C1GALT1: variants seen among roughly 807,000 people sequenced by gnomAD.
C1GALT1 encodes glycoprotein-N-acetylgalactosamine 3-beta-galactosyltransferase 1.
Under a neutral mutation model 31.0 loss-of-function variants are expected in C1GALT1, and 11 were observed. That is an observed-to-expected ratio of 0.36 (90% confidence interval 0.22 to 0.59). The LOEUF is 0.59. Ranked by LOEUF, C1GALT1 falls within the 20% of genes least tolerant of loss-of-function variation. The pLI is 0.79. For synonymous variants in C1GALT1, 175 were observed against 143.6 expected (o/e 1.22, Z -1.56); for missense variants, 424 against 425.2 (o/e 1.00, Z 0.03).
chr7:7,236,157 A>G (rs966667644), intron 2 of C1GALT1, among the ~76,000 whole-genome samples: 2 of 152,128 alleles, frequency 1.3e-5, no homozygotes, highest in African/African-American at 4.8e-5. Flanking sequence ...GTATTTAGCA[A>G]TTATTGGTTT....
intron 1 of C1GALT1, among the ~76,000 whole-genome samples, chr7:7,209,081 A>G (rs1025331596): frequency 2.0e-5 from 3 of 152,194 alleles, no homozygotes; most frequent in Non-Finnish European, 4.4e-5. Context: ...GATTCTTCGT[A>G]TCTCACAACA....
At chr7:7,199,661 T>C (rs952561759) in intron 1 of C1GALT1, among the ~76,000 whole-genome samples, 3 of 152,222 alleles carry the variant, frequency 2.0e-5, no homozygotes, top group Non-Finnish European at 2.9e-5. Flanking sequence ...CCCATTATTA[T>C]TGTGTGGGAG....
intron 1 of C1GALT1, chr7:7,183,658 C>A (rs1002544430): frequency 4.3e-6 from 4 of 937,438 alleles, no homozygotes; most frequent in Non-Finnish European, 5.1e-6. Context: ...TTTCCTGGTC[C>A]TTACCGTCTC....
chr7:7,160,440 T>TA (rs1489194441), intron 2 of C1GALT1, among the ~76,000 whole-genome samples: 1 of 152,132 alleles, frequency 6.6e-6, no homozygotes, highest in Non-Finnish European at 1.5e-5. Flanking sequence ...CTAATACATA[T>TA]ATTAAGCAGT....
At chr7:7,167,115 G>A (rs1473242759) in intron 2 of C1GALT1, among the ~76,000 whole-genome samples, 1 of 152,164 alleles carries the variant, frequency 6.6e-6, no homozygotes, top group Non-Finnish European at 1.5e-5. Flanking sequence ...TCTGGGCCAG[G>A]GAGGAAGACC....
In C1GALT1 at chr7:7,159,360, C is replaced by T. The variant is rs1006119014; in HGVS notation, c.-18+1934C>T. On this transcript the variant is annotated intron_variant, in intron 2 of 3. Coordinates refer to the C1GALT1 transcript ENST00000429911. Reference sequence around the variant, plus strand: ...AATAAAAAGGAAGAGATTGGAAAGACGCGGGACAAATACCAAGAGCAGTAA... The same window carrying T: ...AATAAAAAGGAAGAGATTGGAAAGATGCGGGACAAATACCAAGAGCAGTAA... 2.6e-5 allele frequency among the ~76,000 whole-genome samples: 4 copies of T among 150,986 alleles called. No homozygotes were observed. The East Asian group carries it at 5.8e-4, about 22-fold the overall frequency.
At position 7,171,061 on chromosome 7, in the gene C1GALT1, C is replaced by T. The variant is rs538894030; in HGVS notation, c.-18+13635C>T. ...CTATCCTGAAGAATCTTCCATGTGC[C>T]CTTGAGAAAAATATGTATTCTGCTG... is the stretch of plus-strand genomic sequence containing the variant. On this transcript the variant is annotated intron_variant, in intron 2 of 3. Coordinates refer to the C1GALT1 transcript ENST00000429911. 1.5e-3 allele frequency among the ~76,000 whole-genome samples: 234 copies of T among 151,894 alleles called. 2 individuals carry two copies. The highest frequency in any genetic ancestry group is 0.01 in the Middle Eastern group (3 of 294).
At chr7:7,193,053 T>C (rs1781142055) in intron 1 of C1GALT1, among the ~76,000 whole-genome samples, 1 of 152,196 alleles carries the variant, frequency 6.6e-6, no homozygotes, top group Non-Finnish European at 1.5e-5. Context: ...ATTCTGGATA[T>C]TAGACCTTTG....
intron 2 of C1GALT1, among the ~76,000 whole-genome samples, chr7:7,171,218 A>C (rs1199844959): frequency 6.6e-6 from 1 of 152,172 alleles, no homozygotes; most frequent in Non-Finnish European, 1.5e-5. Context: ...TCCAACTATT[A>C]TTGTACAACT....
At chr7:7,201,806 C>A (rs1028831136) in intron 1 of C1GALT1, among the ~76,000 whole-genome samples, 1 of 152,194 alleles carries the variant, frequency 6.6e-6, no homozygotes, top group Non-Finnish European at 1.5e-5. Context: ...CCCTACCTGC[C>A]GTGGTTTCTT....
intron 1 of C1GALT1, among the ~76,000 whole-genome samples, chr7:7,226,250 TAGA>T (rs1312547351): frequency 2.6e-5 from 4 of 152,130 alleles, no homozygotes; most frequent in African/African-American, 9.7e-5. Context: ...TTAATATGGT[TAGA>T]AGAGGGAATA....
chr7:7,210,327 T>C (rs1378678073), intron 1 of C1GALT1: 1 of 152,484 alleles, frequency 6.6e-6, no homozygotes, highest in East Asian at 1.9e-4. Context: ...TAGCTCATGT[T>C]GTATGTCCAG....
intron 3 of C1GALT1, 79 bp downstream of exon 3, chr7:7,239,001 T>C: frequency 8.5e-7 from 1 of 1,171,920 alleles, no homozygotes; most frequent in Non-Finnish European, 1.2e-6. Flanking sequence ...AATATGTGTA[T>C]GTTTCTTTAG....
upstream of C1GALT1, among the ~76,000 whole-genome samples, chr7:7,182,288 C>T (rs1426938074): frequency 6.6e-6 from 1 of 152,182 alleles, no homozygotes; most frequent in African/African-American, 2.4e-5. Flanking sequence ...TGCTTTCGTC[C>T]CGCTCAAGGT....
At chr7:7,214,245 G>A (rs1419277177) in intron 1 of C1GALT1, among the ~76,000 whole-genome samples, 1 of 151,964 alleles carries the variant, frequency 6.6e-6, no homozygotes, top group Non-Finnish European at 1.5e-5. Flanking sequence ...ATTTCATGAG[G>A]AAAAAAAGGT....
At chr7:7,208,161 G>A (rs111621523) in intron 1 of C1GALT1, among the ~76,000 whole-genome samples, 6,248 of 152,086 alleles carry the variant, frequency 0.041, 293 homozygotes, top group African/African-American at 0.12. Flanking sequence ...GTTGACTCTC[G>A]TGGTATTGCA....
intron 1 of C1GALT1, among the ~76,000 whole-genome samples, chr7:7,224,950 T>G (rs987694079): frequency 1.4e-4 from 22 of 152,134 alleles, no homozygotes; most frequent in African/African-American, 4.3e-4. Context: ...AGTTTTTCAG[T>G]CCTCACCCTC....
intron 1 of C1GALT1, among the ~76,000 whole-genome samples, chr7:7,186,754 C>G (rs1015987109): frequency 6.6e-6 from 1 of 152,104 alleles, no homozygotes; most frequent in African/African-American, 2.4e-5. Flanking sequence ...GACCCTGGCA[C>G]GTTTGAGGAA....
chr7:7,243,401 C>A, intron 3 of C1GALT1, 123 bp from the exon 4 acceptor site: 1 of 783,508 alleles, frequency 1.3e-6, no homozygotes, highest in Non-Finnish European at 2.0e-6. Context: ...GGTTCCTCTG[C>A]TTTACCTTGC....
Sources: allele counts gnomAD v4.1 joint callset (sites outside exome capture counted in the v4.1 genomes callset), GRCh38; gene constraint gnomAD v4.1.1; transcripts MANE v1.5; gene names NCBI Gene and HGNC (gene_info 2026-07-23, HGNC 2026-07-21).